Variants in TGM6 observed in about 807,000 individuals in gnomAD.
TGM6 encodes protein-glutamine gamma-glutamyltransferase 6.
A neutral mutation model predicts 77.5 loss-of-function variants in TGM6; 74 were observed. That is an observed-to-expected ratio of 0.96 (90% CI 0.79 to 1.16). The LOEUF (loss-of-function observed/expected upper bound fraction) is 1.16, where lower values mean the gene tolerates loss of function less well. TGM6 is among the 50% of genes most tolerant of loss of function. The pLI is 0.00. For synonymous variants in TGM6, 383 were observed against 378.9 expected, an observed-to-expected ratio of 1.01 and a Z score of -0.12; for missense variants, 968 against 940.2, an observed-to-expected ratio of 1.03 and a Z score of -0.39.
intron 7 of TGM6, among the ~76,000 whole-genome samples, chr20:2,402,552 C>A (rs192238570): frequency 2.0e-4 from 31 of 152,314 alleles, no homozygotes; most frequent in Non-Finnish European, 3.8e-4. Context: ...AGGGTCCCAC[C>A]TTTAATCCCC....
At chr20:2,402,436 C>T (rs1309105943) in intron 7 of TGM6, among the ~76,000 whole-genome samples, 1 of 152,042 alleles carries the variant, frequency 6.6e-6, no homozygotes, top group East Asian at 1.9e-4. Flanking sequence ...TCTCTTCATT[C>T]CCTTGCCCTG....
At position 2,395,243 on chromosome 20, in the gene TGM6, G is replaced by A. The variant is rs139331856; in HGVS notation, c.231G>A (p.Ser77=). 79 of 1,614,048 alleles carry A rather than the reference G, an allele frequency of 4.9e-5. No homozygotes were observed. Among genetic ancestry groups the A allele is most frequent in the African/African-American group, 6.7e-5 (5 of 75,050 alleles). The change falls in exon 3 of 13, where the codon TCG becomes TCA. Residue 77 remains serine (S), a synonymous_variant. Coordinates refer to ENST00000202625, the MANE Select transcript of TGM6 (RefSeq NM_198994.3). ...ACACCAAAGCTGTGTTCCAGACATC[G>A]GAGCTGGAGCGGGGTGAGGGCTGGA... The part of the protein sequence containing the change: ...ALHTKAVFQT[S]ELERGEGWTA...
intron 11 of TGM6, 60 bp downstream of exon 11, chr20:2,430,660 G>A: frequency 1.2e-6 from 2 of 1,611,570 alleles, no homozygotes; most frequent in Admixed American, 1.7e-5. Flanking sequence ...CAGAGCTGGG[G>A]GAGGGCGTCA....
chr20:2,408,834 T>TAGTGG (rs1420325851), intron 9 of TGM6, among the ~76,000 whole-genome samples: 1 of 152,212 alleles, frequency 6.6e-6, no homozygotes, highest in Non-Finnish European at 1.5e-5. Flanking sequence ...GCTGACATTC[T>TAGTGG]AGTGGGGCAG....
At position 2,393,005 on chromosome 20, in the gene TGM6, T is replaced by A. The variant is rs186054353; in HGVS notation, c.8-1447T>A. Among the ~76,000 whole-genome samples the A allele has an allele frequency of 5.3e-5, 8 of 152,302 alleles. 1 individual carries two copies. In the South Asian group the frequency reaches 1.7e-3, roughly 32 times the overall value. ...CTCATAACCATTGAGCCATACAGTC[T>A]CACCGCACCATGCATTGAGGGCAAG... On this transcript the variant is annotated intron_variant, in intron 1 of 12. Coordinates refer to ENST00000202625, the MANE Select transcript of TGM6 (RefSeq NM_198994.3).
chr20:2,415,280 G>A (rs73892412), intron 9 of TGM6, among the ~76,000 whole-genome samples: 1,567 of 152,274 alleles, frequency 0.01, 31 homozygotes, highest in African/African-American at 0.035. Flanking sequence ...GGGTCACACA[G>A]TATCAGGGTA....
intron 9 of TGM6, among the ~76,000 whole-genome samples, chr20:2,412,261 A>T (rs1189397691): frequency 2.0e-5 from 3 of 152,234 alleles, no homozygotes; most frequent in Admixed American, 6.5e-5. Flanking sequence ...GAGGCCGCTT[A>T]TATCTATGAA....
At position 2,380,903 on chromosome 20, in the gene TGM6, G is replaced by T. The variant is rs764830062; in HGVS notation, c.-66G>T. 4 of 1,586,962 alleles carry T rather than the reference G, an allele frequency of 2.5e-6. No individual in the cohort carries two copies. Among genetic ancestry groups the T allele is most frequent in the African/African-American group, 1.3e-5 (1 of 74,670 alleles). The stretch of plus-strand genomic sequence containing the variant: ...TTGGTCTGGCTGGCTGCTGTGACGC[G>T]CCACACTGTCCTGACGGTGCACACA... On this transcript the variant is annotated 5_prime_UTR_variant, in exon 1 of 13. Coordinates refer to ENST00000202625, the MANE Select transcript of TGM6 (RefSeq NM_198994.3).
In TGM6 at chr20:2,404,097, C is replaced by T. The variant is rs138332334; in HGVS notation, c.1336+274C>T. 6.5e-3 allele frequency among the ~76,000 whole-genome samples: 993 copies of T among 152,328 alleles called. 4 individuals are homozygous for T. Among genetic ancestry groups the T allele is most frequent in the Non-Finnish European group, 0.01 (711 of 68,034 alleles). On this transcript the variant is annotated intron_variant, in intron 9 of 12. Transcript: ENST00000202625. Reference sequence around the variant, plus strand: ...CCTTGAACACTTGCCATATACCAGGCACTGCATTAGGTATGTTCACATACA... The same window carrying T: ...CCTTGAACACTTGCCATATACCAGGTACTGCATTAGGTATGTTCACATACA...
chr20:2,428,979 G>A (rs1432406298), intron 10 of TGM6, among the ~76,000 whole-genome samples: 4 of 142,952 alleles, frequency 2.8e-5, no homozygotes, highest in East Asian at 2.1e-4. Flanking sequence ...ACAACACCAC[G>A]CCCTGCTAAT....
intron 10 of TGM6, 51 bp from the exon 11 acceptor site, chr20:2,430,395 C>T (rs1467384703): frequency 1.9e-6 from 3 of 1,610,342 alleles, no homozygotes; most frequent in Non-Finnish European, 2.5e-6. Context: ...TTCCCAGTGC[C>T]ATTGAAGAAA....
At chr20:2,395,463 G>T (rs775942000) in intron 3 of TGM6, 27 bp downstream of exon 3, 2 of 1,614,134 alleles carry the variant, frequency 1.2e-6, no homozygotes, top group Admixed American at 3.3e-5. Flanking sequence ...CCAATGCAGA[G>T]GTTTTTCCAA....
At chr20:2,430,308 A>G in intron 10 of TGM6, 138 bp from the exon 11 acceptor site, 1 of 1,193,862 alleles carries the variant, frequency 8.4e-7, no homozygotes, top group Non-Finnish European at 1.2e-6. Context: ...CTGAGAACCG[A>G]GGAAAATAAA....
At chr20:2,410,541 C>A (rs1220957025) in intron 9 of TGM6, among the ~76,000 whole-genome samples, 1 of 152,160 alleles carries the variant, frequency 6.6e-6, no homozygotes, top group Non-Finnish European at 1.5e-5. Context: ...GTTATGAGAA[C>A]CCCAAATCTG....
chr20:2,395,149 G>T, intron 2 of TGM6, 45 bp from the exon 3 acceptor site: 2 of 1,603,756 alleles, frequency 1.2e-6, no homozygotes, highest in Admixed American at 3.3e-5. Context: ...CTAAAGCTGG[G>T]TTTCCCAGGG....
At chr20:2,385,072 C>T (rs973376775) in intron 1 of TGM6, among the ~76,000 whole-genome samples, 7 of 152,156 alleles carry the variant, frequency 4.6e-5, no homozygotes, top group Admixed American at 4.6e-4. Flanking sequence ...CTCAGAGGTA[C>T]GGCAAGCTGG....
chr20:2,408,641 G>A (rs909700136), intron 9 of TGM6, among the ~76,000 whole-genome samples: 1 of 152,208 alleles, frequency 6.6e-6, no homozygotes, highest in African/African-American at 2.4e-5. Flanking sequence ...GCCATAAGGA[G>A]TCTGAGCTGT....
chr20:2,403,765 C>G lies in TGM6; in HGVS notation c.1278C>G (p.Thr426=). 1 of 1,614,190 alleles carries G rather than the reference C, an allele frequency of 6.2e-7. No homozygotes were observed. ...AGAAGATTGGGAGATGCATCAGCAC[C>G]AAGGCGGTGGGCAGTGACTCCCGCG... ...NTKKIGRCIS[T]KAVGSDSRVD... is the part of the protein sequence containing the mutation. The change falls in exon 9 of 13, where the codon ACC becomes ACG. Residue 426 remains threonine, a synonymous_variant. Transcript: ENST00000202625.
At chr20:2,407,462 T>C (rs1422320157) in intron 9 of TGM6, among the ~76,000 whole-genome samples, 1 of 152,006 alleles carries the variant, frequency 6.6e-6, no homozygotes, top group Non-Finnish European at 1.5e-5. Context: ...CTACTAAAAA[T>C]ACAAAAATTA....
Sources: allele counts gnomAD v4.1 joint callset (sites outside exome capture counted in the v4.1 genomes callset), GRCh38; gene constraint gnomAD v4.1.1; transcripts MANE v1.5; gene names NCBI Gene and HGNC (gene_info 2026-07-23, HGNC 2026-07-21).